GRM8: variants seen among roughly 807,000 people sequenced by gnomAD.
GRM8 encodes the protein glutamate metabotropic receptor 8.
In GRM8, 47 loss-of-function variants were observed where a neutral mutation model predicts 87.2. The observed-to-expected ratio is 0.54, with a 90% CI of 0.43 to 0.69. The LOEUF (loss-of-function observed/expected upper bound fraction) is 0.69. GRM8 is among the 30% of genes least tolerant of loss of function. The pLI is 0.00. For synonymous variants in GRM8, 396 were observed against 404.5 expected (o/e 0.98, Z 0.25); for missense variants, 1,019 against 1,139.2 (o/e 0.89, Z 1.52).
intron 6 of GRM8, among the ~76,000 whole-genome samples, chr7:126,896,249 T>G (rs1801531145): frequency 6.6e-6 from 1 of 151,528 alleles, no homozygotes; most frequent in Non-Finnish European, 1.5e-5. Flanking sequence ...CAACATGAAA[T>G]CTCAGAAACA....
chr7:127,158,389 A>T lies in GRM8; in HGVS notation c.511-51677T>A, dbSNP rs529625880. On this transcript the variant is annotated intron_variant, in intron 2 of 10. Transcript: ENST00000339582. ...CAGTGGAGACAGAAAAAAACTCAGG[A>T]ATCCAATGGTTGTCCAGACATTTGG... Among the ~76,000 whole-genome samples the T allele has an allele frequency of 2.6e-5, 4 of 152,330 alleles. No individual in the cohort carries two copies. The East Asian group carries it at 7.7e-4, about 29-fold the overall frequency.
chr7:126,746,418 T>A (rs915033331), intron 7 of GRM8, among the ~76,000 whole-genome samples: 1 of 151,802 alleles, frequency 6.6e-6, no homozygotes, highest in East Asian at 1.9e-4. Context: ...ATTTTCTGAT[T>A]CAGATATTAT....
rs564166618 is a variant in GRM8 at position 127,042,846 on chromosome 7, C to A, written c.727+63650G>T. On this transcript the variant is annotated intron_variant, in intron 3 of 10. Coordinates refer to ENST00000339582, the MANE Select transcript of GRM8 (RefSeq NM_000845.3). ...CAGGCAACCTACAGAATGGGAGAAA[C>A]TTTTTGCAATCTACTCATCTGACAA... Among the ~76,000 whole-genome samples the A allele has an allele frequency of 5.3e-4, 80 of 152,132 alleles. 2 individuals carry two copies. In the South Asian group the frequency reaches 0.016, roughly 30 times the overall value.
At chr7:126,780,049 T>C (rs1330730314) in intron 6 of GRM8, among the ~76,000 whole-genome samples, 1 of 152,210 alleles carries the variant, frequency 6.6e-6, no homozygotes, top group Admixed American at 6.5e-5. Flanking sequence ...GGCTATAAAA[T>C]ACTTAACCTT....
chr7:126,475,748 T>C (rs1226222916), intron 9 of GRM8, among the ~76,000 whole-genome samples: 1 of 152,108 alleles, frequency 6.6e-6, no homozygotes, highest in Admixed American at 6.6e-5. Flanking sequence ...CAAAACAGCA[T>C]GGTGCAAATA....
At chr7:126,831,530 T>G (rs2078996135) in intron 6 of GRM8, among the ~76,000 whole-genome samples, 1 of 152,246 alleles carries the variant, frequency 6.6e-6, no homozygotes, top group African/African-American at 2.4e-5. Flanking sequence ...TCTCCTGGTA[T>G]GCCATTTCCT....
intron 8 of GRM8, among the ~76,000 whole-genome samples, chr7:126,559,174 G>A (rs1324317539): frequency 2.1e-5 from 3 of 144,620 alleles, no homozygotes; most frequent in Non-Finnish European, 4.5e-5. Flanking sequence ...TTTTTTTAAG[G>A]CAGACCTTTG....
intron 2 of GRM8, among the ~76,000 whole-genome samples, chr7:127,224,192 A>G (rs1315653266): frequency 1.3e-5 from 2 of 152,222 alleles, no homozygotes; most frequent in East Asian, 1.9e-4. Context: ...AAAGTTGGCA[A>G]AAGACAGAAT....
intron 3 of GRM8, among the ~76,000 whole-genome samples, chr7:127,000,898 A>G (rs1032053464): frequency 2.0e-5 from 3 of 151,700 alleles, no homozygotes; most frequent in African/African-American, 7.2e-5. Flanking sequence ...TTACAAAACA[A>G]AACCCTAGGA....
At chr7:126,567,241 G>T (rs748827778) in intron 8 of GRM8, among the ~76,000 whole-genome samples, 1 of 152,082 alleles carries the variant, frequency 6.6e-6, no homozygotes, top group Non-Finnish European at 1.5e-5. Flanking sequence ...AAAATGATGA[G>T]TTCATGTCCT....
intron 2 of GRM8, among the ~76,000 whole-genome samples, chr7:127,149,238 TAACTC>T (rs1209020314): frequency 6.6e-6 from 1 of 151,766 alleles, no homozygotes; most frequent in Non-Finnish European, 1.5e-5. Context: ...AGAAAACAAA[TAACTC>T]AATTTTAAAA....
At chr7:126,835,910 G>A (rs1002865169) in intron 6 of GRM8, among the ~76,000 whole-genome samples, 1 of 152,178 alleles carries the variant, frequency 6.6e-6, no homozygotes, top group East Asian at 1.9e-4. Context: ...TTCAAGGGCA[G>A]AATACTTGTT....
At chr7:126,758,147 G>A (rs1295826485) in intron 7 of GRM8, among the ~76,000 whole-genome samples, 2 of 152,152 alleles carry the variant, frequency 1.3e-5, no homozygotes, top group Non-Finnish European at 2.9e-5. Context: ...TGTATTTGGT[G>A]AGTTTTTATG....
intron 2 of GRM8, among the ~76,000 whole-genome samples, chr7:127,188,188 A>T (rs1794835739): frequency 6.6e-6 from 1 of 152,254 alleles, no homozygotes; most frequent in Admixed American, 6.5e-5. Flanking sequence ...TGACAGAAGC[A>T]TTATTGATAA....
At chr7:126,602,789 T>C (rs62477888) in intron 8 of GRM8, among the ~76,000 whole-genome samples, 46,307 of 148,100 alleles carry the variant, frequency 0.31, 7,769 homozygotes, top group East Asian at 0.42. Flanking sequence ...GATTCACAGC[T>C]GAATTCTACC....
chr7:126,567,895 G>T (rs1001351796), intron 8 of GRM8, among the ~76,000 whole-genome samples: 1 of 152,078 alleles, frequency 6.6e-6, no homozygotes, highest in Non-Finnish European at 1.5e-5. Context: ...TACAGTGGAG[G>T]ATGTAAGGGG....
intron 7 of GRM8, among the ~76,000 whole-genome samples, chr7:126,674,816 GAA>G (rs1806764995): frequency 6.6e-6 from 1 of 152,084 alleles, no homozygotes. Flanking sequence ...CCTAGATAAG[GAA>G]AAATAATAGG....
At chr7:127,216,922 C>A (rs978329102) in intron 2 of GRM8, among the ~76,000 whole-genome samples, 1 of 152,184 alleles carries the variant, frequency 6.6e-6, no homozygotes, top group African/African-American at 2.4e-5. Flanking sequence ...CCTAAAGACC[C>A]TGTAAAAAGG....
At chr7:126,718,539 C>T (rs1812015593) in intron 7 of GRM8, among the ~76,000 whole-genome samples, 2 of 152,174 alleles carry the variant, frequency 1.3e-5, no homozygotes, top group South Asian at 4.1e-4. Context: ...GAGGCCAGGA[C>T]TTTTCAGGGT....
Sources: gnomAD v4.1 joint callset for allele counts (sites outside exome capture counted in the v4.1 genomes callset) on GRCh38, gnomAD v4.1.1 for gene constraint, MANE v1.5 for transcripts, NCBI Gene and HGNC (gene_info 2026-07-23, HGNC 2026-07-21) for gene names.